The following CLIC5 variants were observed in gnomAD, a reference collection of about 807,000 sequenced individuals.
CLIC5 encodes chloride intracellular channel protein 5.
In CLIC5, 20 loss-of-function variants were observed where a neutral mutation model predicts 24.7. The ratio of observed to expected loss-of-function variants is 0.81; its 90% CI spans 0.57 to 1.18. The LOEUF (loss-of-function observed/expected upper bound fraction) is 1.18. Among genes scored for constraint, CLIC5 ranks in the 50% most tolerant of loss-of-function variants. The pLI is 0.00. For missense variants in CLIC5, 341 were observed against 326.1 expected, an observed-to-expected ratio of 1.05 and a Z score of -0.35; for synonymous variants, 159 against 135.6, an observed-to-expected ratio of 1.17 and a Z score of -1.20.
chr6:46,065,695 A>C (rs1762422254), intron 1 of CLIC5, among the ~76,000 whole-genome samples: 1 of 152,234 alleles, frequency 6.6e-6, no homozygotes, highest in Non-Finnish European at 1.5e-5. Context: ...CTATTTATAC[A>C]ATATGTTTTA....
intron 5 of CLIC5, chr6:45,911,985 A>T (rs146510313): frequency 9.1e-6 from 9 of 985,584 alleles, no homozygotes; most frequent in African/African-American, 8.7e-5. Flanking sequence ...AGGGATGGAG[A>T]TAAACCTGAA....
rs35845581 is a variant in CLIC5, at chr6:46,032,981, ATTTTTTT to A, written c.540+46715_540+46721del. ...CTAAGGGTAGGGCCTGGAAATCTAC[ATTTTTTT>A]TTTTTTTTTTTTTTTTTTGAGATGG... On this transcript the variant is annotated intron_variant, in intron 1 of 5. Transcript: ENST00000185206. Among the ~76,000 whole-genome samples, 12 of 79,032 alleles carry A rather than the reference ATTTTTTT, an allele frequency of 1.5e-4. No individual in the cohort carries two copies. The East Asian group carries it at 1.8e-3, about 12-fold the overall frequency. 51.8% of individuals were successfully genotyped at this position (79,032 alleles called of 152,430 possible).
intron 5 of CLIC5, 87 bp downstream of exon 5, chr6:45,914,141 G>T (rs1468610950): frequency 1.2e-5 from 13 of 1,078,554 alleles, no homozygotes; most frequent in Admixed American, 9.6e-5. Context: ...ACCAACAGGT[G>T]GTACTGTCCT....
intron 1 of CLIC5, among the ~76,000 whole-genome samples, chr6:45,967,231 C>T (rs922718382): frequency 2.4e-4 from 37 of 152,330 alleles, no homozygotes; most frequent in African/African-American, 8.9e-4. Flanking sequence ...TCCACACAGC[C>T]AGATGGGCAT....
intron 1 of CLIC5, among the ~76,000 whole-genome samples, chr6:45,981,240 A>G (rs868356447): frequency 3.3e-5 from 5 of 152,170 alleles, no homozygotes; most frequent in African/African-American, 1.2e-4. Context: ...AAGTGTTGGA[A>G]TTACAGGCAT....
intron 1 of CLIC5, among the ~76,000 whole-genome samples, chr6:46,069,578 CA>C (rs1041669738): frequency 3.3e-5 from 5 of 149,560 alleles, no homozygotes; most frequent in Admixed American, 2.7e-4. Context: ...AATAGCCTGC[CA>C]AAAAAACAAA....
At chr6:45,930,765 A>G (rs538380953) in intron 4 of CLIC5, among the ~76,000 whole-genome samples, 1 of 152,340 alleles carries the variant, frequency 6.6e-6, no homozygotes, top group South Asian at 2.1e-4. Flanking sequence ...ATTGGTGCCT[A>G]CTGTGTGCCA....
Position 46,065,752 on chromosome 6 carries a change from G to A in CLIC5, c.540+13951C>T, listed in dbSNP as rs1762423684. 2.0e-5 allele frequency among the ~76,000 whole-genome samples: 3 copies of A among 152,312 alleles called. No homozygotes were observed. The South Asian group carries it at 6.2e-4, about 32-fold the overall frequency. On this transcript the variant is annotated intron_variant, in intron 1 of 5. Coordinates refer to the CLIC5 transcript ENST00000185206. The stretch of plus-strand genomic sequence containing the variant: ...GAAAGATCCTTCTAGGAGGCAGGAG[G>A]TGTCTGGGAAGGGACTCACAGCAAA...
Position 45,899,148 on chromosome 6 carries a change from A to C in CLIC5, c.*3940T>G, listed in dbSNP as rs767889021. 4 of 152,162 alleles carry C rather than the reference A, an allele frequency of 2.6e-5. No homozygotes were observed. Among genetic ancestry groups the C allele is most frequent in the Non-Finnish European group, 5.9e-5 (4 of 68,030 alleles). 9.4% of individuals were successfully genotyped at this position (152,162 alleles called of 1,614,324 possible). A position where few individuals can be genotyped will look rare whatever the true frequency, so the allele number is the denominator to read the frequency against. On this transcript the variant is annotated 3_prime_UTR_variant, in exon 6 of 6. Coordinates refer to ENST00000339561, the MANE Select transcript of CLIC5 (RefSeq NM_016929.5). ...CACATGTTGCTTGATTTGAATGATAAAGAGAAATGGATAGAAGACAATGGG... is the reference window on the plus strand; with the variant it reads ...CACATGTTGCTTGATTTGAATGATACAGAGAAATGGATAGAAGACAATGGG...
chr6:45,908,318 G>A (rs548376127), intron 5 of CLIC5, among the ~76,000 whole-genome samples: 9 of 152,080 alleles, frequency 5.9e-5, no homozygotes, highest in African/African-American at 2.2e-4. Flanking sequence ...TACTAGCTTT[G>A]AGGTTAGTTT....
At chr6:46,006,911 A>AT (rs937067852) in intron 1 of CLIC5, among the ~76,000 whole-genome samples, 1 of 151,986 alleles carries the variant, frequency 6.6e-6, no homozygotes, top group Non-Finnish European at 1.5e-5. Flanking sequence ...CCCTGACATG[A>AT]TCCCCCTGCC....
intron 1 of CLIC5, among the ~76,000 whole-genome samples, chr6:46,028,992 C>T (rs1400856313): frequency 6.6e-6 from 1 of 152,192 alleles, no homozygotes; most frequent in African/African-American, 2.4e-5. Flanking sequence ...CCCACTAACC[C>T]CTGGAAACCA....
chr6:45,934,696 C>T (rs1235823817), intron 4 of CLIC5, among the ~76,000 whole-genome samples: 1 of 152,208 alleles, frequency 6.6e-6, no homozygotes, highest in Non-Finnish European at 1.5e-5. Flanking sequence ...GAATTTTTGT[C>T]TTAGGCTACA....
chr6:46,059,557 G>A lies in CLIC5; in HGVS notation c.540+20146C>T, dbSNP rs924879086. ...TAAATTCAACTGTTGGGACATTCGA[G>A]GGAGCTCCCTCCACATGCCAAGACA... On this transcript the variant is annotated intron_variant, in intron 1 of 5. Coordinates refer to the CLIC5 transcript ENST00000185206. 3.3e-5 allele frequency among the ~76,000 whole-genome samples: 5 copies of A among 152,304 alleles called. No individual in the cohort carries two copies. The South Asian group carries it at 1.0e-3, about 32-fold the overall frequency.
chr6:46,103,496 G>T, the CLIC5 span, among the ~76,000 whole-genome samples: 1 of 152,140 alleles, frequency 6.6e-6, no homozygotes, highest in East Asian at 1.9e-4. Flanking sequence ...TCTGAGGACT[G>T]ATACCTGTGA....
chr6:46,053,973 A>C (rs1040715896), intron 1 of CLIC5, among the ~76,000 whole-genome samples: 1 of 152,164 alleles, frequency 6.6e-6, no homozygotes, highest in African/African-American at 2.4e-5. Context: ...AGTTATTTTG[A>C]CCAGTGGATC....
chr6:46,123,934 G>A, the CLIC5 span, among the ~76,000 whole-genome samples: 21 of 152,082 alleles, frequency 1.4e-4, no homozygotes, highest in African/African-American at 2.9e-4. Flanking sequence ...AATAAAAGAG[G>A]ATACAAACAA....
At chr6:46,001,659 G>A (rs1381504042) in intron 1 of CLIC5, among the ~76,000 whole-genome samples, 1 of 152,176 alleles carries the variant, frequency 6.6e-6, no homozygotes, top group Non-Finnish European at 1.5e-5. Flanking sequence ...ACATGGAAAA[G>A]TGCATTTCAA....
At chr6:46,097,402 T>G in the CLIC5 span, 1 of 152,256 alleles carries the variant, frequency 6.6e-6, no homozygotes, top group Non-Finnish European at 1.5e-5. Flanking sequence ...TCTGTAGCCC[T>G]GACCCCAGCT....
Sources: gnomAD v4.1 joint callset for allele counts (sites outside exome capture counted in the v4.1 genomes callset) on GRCh38, gnomAD v4.1.1 for gene constraint, MANE v1.5 for transcripts, NCBI Gene and HGNC (gene_info 2026-07-23, HGNC 2026-07-21) for gene names.